MACROH2A1: variants seen among roughly 807,000 people sequenced by gnomAD.
MACROH2A1 encodes macroH2A.1 histone, also known as core histone macro-H2A.1.
Under a neutral mutation model 31.6 loss-of-function variants are expected in MACROH2A1, and 2 were observed. The ratio of observed to expected loss-of-function variants is 0.06; its 90% CI spans 0.03 to 0.20. The LOEUF (loss-of-function observed/expected upper bound fraction) is 0.20. MACROH2A1 is among the 10% of genes least tolerant of loss of function. The probability of loss-of-function intolerance (pLI) is 1.00; values close to 1 mark genes in which losing one functional copy is unlikely to be tolerated. For synonymous variants in MACROH2A1, 169 were observed against 189.6 expected (o/e 0.89, Z 0.89); for missense variants, 230 against 474.0 (o/e 0.49, Z 4.78).
intron 7 of MACROH2A1, 28 bp from the exon 8 acceptor site, chr5:135,343,462 A>T: frequency 6.2e-7 from 1 of 1,611,170 alleles, no homozygotes; most frequent in Non-Finnish European, 8.5e-7. Context: ...AAACAGAAAC[A>T]GTGAGCTCTG....
intron 5 of MACROH2A1, 184 bp downstream of exon 5, chr5:135,360,313 T>A (rs890993051): frequency 6.3e-5 from 38 of 598,450 alleles, no homozygotes; most frequent in African/African-American, 6.3e-4. Context: ...GGGTCCTCCC[T>A]CAGCATTGTG....
intron 2 of MACROH2A1, among the ~76,000 whole-genome samples, chr5:135,388,352 G>A (rs746706411): frequency 7.2e-5 from 11 of 152,216 alleles, no homozygotes; most frequent in Non-Finnish European, 1.3e-4. Flanking sequence ...GGTGCCTCCC[G>A]ACGTGATGCA....
intron 4 of MACROH2A1, chr5:135,361,302 T>C (rs1561609857): frequency 6.5e-6 from 1 of 154,198 alleles, no homozygotes; most frequent in African/African-American, 2.4e-5. Flanking sequence ...CTCTACTTCC[T>C]AACATTTTCC....
At chr5:135,384,130 C>T (rs1419664723) in intron 2 of MACROH2A1, among the ~76,000 whole-genome samples, 2 of 152,180 alleles carry the variant, frequency 1.3e-5, no homozygotes, top group African/African-American at 2.4e-5. Flanking sequence ...AGGATTCCAT[C>T]CCACATCAGA....
chr5:135,363,384 G>C (rs1419221322), intron 4 of MACROH2A1, among the ~76,000 whole-genome samples: 7 of 152,218 alleles, frequency 4.6e-5, no homozygotes, highest in Non-Finnish European at 8.8e-5. Context: ...AACAGGGCAG[G>C]TGCTTAAGGT....
intron 2 of MACROH2A1, among the ~76,000 whole-genome samples, chr5:135,375,345 C>T (rs1764717464): frequency 6.6e-6 from 1 of 152,228 alleles, no homozygotes. Flanking sequence ...AAAATTCCCA[C>T]ATCCTTGGAT....
Position 135,360,543 on chromosome 5 carries a change from T to A in MACROH2A1, c.542A>T (p.Asp181Val). 1 of 1,614,024 alleles carries A rather than the reference T, an allele frequency of 6.2e-7. No homozygotes were observed. The highest frequency in any genetic ancestry group is 8.5e-7 in the Non-Finnish European group (1 of 1,179,926). Residue 181 changes from aspartate to valine, a missense_variant, in exon 5 of 9, where the codon GAC (aspartate) becomes GTC (valine). Physicochemically the swap from Asp to Val is radical, Grantham distance 152. Coordinates refer to ENST00000511689, the MANE Select transcript of MACROH2A1 (RefSeq NM_138610.3). ...ADSTTEGTPA[D>V]GFTVLSTKSL... is the part of the protein sequence containing the mutation. ...CTTGGTGGAGAGGACTGTGAAGCCG[T>A]CGGCAGGTGTGCCCTCGGTTGTGCT...
intron 6 of MACROH2A1, chr5:135,350,620 G>A (rs1002542686): frequency 1.4e-5 from 7 of 497,610 alleles, no homozygotes; most frequent in African/African-American, 5.8e-5. Context: ...CCATTTGTGA[G>A]CTGCATCAGC....
At chr5:135,358,495 A>G (rs1762443681) in intron 5 of MACROH2A1, 1 of 985,192 alleles carries the variant, frequency 1.0e-6, no homozygotes, top group South Asian at 4.7e-5. Context: ...TGTTTTCACC[A>G]CTAAAAAGGG....
chr5:135,387,143 C>A (rs75925066), intron 2 of MACROH2A1, among the ~76,000 whole-genome samples: 2,440 of 152,262 alleles, frequency 0.016, 22 homozygotes, highest in Middle Eastern at 0.024. Flanking sequence ...AGCAACTTCT[C>A]CCAGTCTCCC....
intron 6 of MACROH2A1, among the ~76,000 whole-genome samples, chr5:135,351,779 T>A (rs1247075687): frequency 6.6e-6 from 1 of 151,496 alleles, no homozygotes; most frequent in Non-Finnish European, 1.5e-5. Context: ...CCCAGGTTGG[T>A]CTCCAACTCC....
chr5:135,352,058 G>A (rs1761652980), intron 6 of MACROH2A1, among the ~76,000 whole-genome samples: 1 of 152,170 alleles, frequency 6.6e-6, no homozygotes, highest in Admixed American at 6.5e-5. Context: ...TGGAATGAGT[G>A]TATCTCCCAG....
chr5:135,337,517 A>T (rs539151162), intron 8 of MACROH2A1, among the ~76,000 whole-genome samples: 2 of 152,380 alleles, frequency 1.3e-5, no homozygotes, highest in Admixed American at 1.3e-4. Context: ...CTTACAAAAG[A>T]GTATGTGACT....
At chr5:135,336,940 T>C (rs1190442049) in intron 8 of MACROH2A1, among the ~76,000 whole-genome samples, 1 of 152,230 alleles carries the variant, frequency 6.6e-6, no homozygotes, top group Non-Finnish European at 1.5e-5. Flanking sequence ...GGATCCTCGG[T>C]CCTGTTGCAG....
intron 8 of MACROH2A1, among the ~76,000 whole-genome samples, chr5:135,339,075 A>T (rs542715081): frequency 2.6e-5 from 4 of 152,258 alleles, no homozygotes; most frequent in Admixed American, 6.5e-5. Context: ...GGTTGTGTTT[A>T]TGGCATGTTC....
Position 135,369,024 on chromosome 5 carries a change from A to G in MACROH2A1, c.477+382T>C, listed in dbSNP as rs890660950. On this transcript the variant is annotated intron_variant, in intron 4 of 8. Coordinates refer to ENST00000511689, the MANE Select transcript of MACROH2A1 (RefSeq NM_138610.3). The surrounding 1 kb of genome is among the most constrained non-coding windows in gnomAD (Gnocchi z 4.3). ...GAGTTCTGCAACTGAGCATCAGGGC[A>G]TGCAGGTAGCTGGCCACAGGACTAG... is the stretch of plus-strand genomic sequence containing the variant. 1.3e-5 allele frequency among the ~76,000 whole-genome samples: 2 copies of G among 152,262 alleles called. No individual in the cohort carries two copies. The highest frequency in any genetic ancestry group is 2.9e-5 in the Non-Finnish European group (2 of 68,042).
rs534256029 is a variant in MACROH2A1 at position 135,382,302 on chromosome 5, A to G, written c.172+6620T>C. On this transcript the variant is annotated intron_variant, in intron 2 of 8. Transcript: ENST00000511689. ...TGCAGACCCTGATGGTAAAAATAACAGTTGCATTTTGCCCTTCAAAGTGAT... is the reference window on the plus strand; with the variant it reads ...TGCAGACCCTGATGGTAAAAATAACGGTTGCATTTTGCCCTTCAAAGTGAT... Among the ~76,000 whole-genome samples, 7 of 152,346 alleles carry G rather than the reference A, an allele frequency of 4.6e-5. No individual in the cohort carries two copies. In the East Asian group the frequency reaches 1.3e-3, roughly 29 times the overall value.
Position 135,376,841 on chromosome 5 carries a change from C to T in MACROH2A1, c.173-6699G>A, listed in dbSNP as rs550541722. On this transcript the variant is annotated intron_variant, in intron 2 of 8. Coordinates refer to ENST00000511689, the MANE Select transcript of MACROH2A1 (RefSeq NM_138610.3). ...CTACAACTGCACTGTTAAAAAAGTGCGACAAGCTTGATTACCAGGAGAAAA... is the reference window on the plus strand; with the variant it reads ...CTACAACTGCACTGTTAAAAAAGTGTGACAAGCTTGATTACCAGGAGAAAA... Among the ~76,000 whole-genome samples, 4 of 152,250 alleles carry T rather than the reference C, an allele frequency of 2.6e-5. No individual in the cohort carries two copies. The East Asian group carries it at 5.8e-4, about 22-fold the overall frequency.
chr5:135,377,047 C>T (rs887155005), intron 2 of MACROH2A1, among the ~76,000 whole-genome samples: 4 of 152,216 alleles, frequency 2.6e-5, no homozygotes, highest in African/African-American at 7.2e-5. Flanking sequence ...ACTCGATTAA[C>T]CTCGGTGCTG....
Sources: gnomAD v4.1 joint callset for allele counts (sites outside exome capture counted in the v4.1 genomes callset) on GRCh38, gnomAD v4.1.1 for gene constraint, Gnocchi (gnomAD v3.1) non-coding constraint, MANE v1.5 for transcripts, NCBI Gene and HGNC (gene_info 2026-07-23, HGNC 2026-07-21) for gene names.